The following PPFIBP1 variants were observed in gnomAD, a reference collection of about 807,000 sequenced individuals.
PPFIBP1 encodes the protein PPFIB scaffold protein 1.
PPFIBP1 carries 112 observed loss-of-function variants against 137.8 expected under a neutral mutation model. The observed-to-expected ratio is 0.81, with a 90% confidence interval of 0.70 to 0.95. The LOEUF (loss-of-function observed/expected upper bound fraction) is 0.95, where lower values mean the gene tolerates loss of function less well. Among genes scored for constraint, PPFIBP1 ranks in the 40% least tolerant of loss-of-function variants. The pLI is 0.00. For missense variants in PPFIBP1, 1,083 were observed against 1,196.6 expected (o/e 0.91, Z 1.40); for synonymous variants, 378 against 417.3 (o/e 0.91, Z 1.15).
rs182924954 is a variant in PPFIBP1 at position 27,534,572 on chromosome 12, A to G, written c.-124+10207A>G. On this transcript the variant is annotated intron_variant, in intron 1 of 29. Transcript: ENST00000228425. ...GAAAGTAGTGGTTATAAAAAAAAAA[A>G]AGAGAATGAAATTAGACAAAGGGAA... Among the ~76,000 whole-genome samples, 388 of 152,298 alleles carry G rather than the reference A, an allele frequency of 2.5e-3. 4 individuals are homozygous for G. In the South Asian group the frequency reaches 0.033, roughly 13 times the overall value.
intron 2 of PPFIBP1, among the ~76,000 whole-genome samples, chr12:27,632,412 G>A (rs2057328462): frequency 6.6e-6 from 1 of 152,116 alleles, no homozygotes; most frequent in Admixed American, 6.5e-5. Context: ...AGAATCTACT[G>A]GGTGCTTAGT....
At chr12:27,624,790 C>G (rs2056669458) in intron 2 of PPFIBP1, among the ~76,000 whole-genome samples, 1 of 152,034 alleles carries the variant, frequency 6.6e-6, no homozygotes, top group Non-Finnish European at 1.5e-5. Flanking sequence ...GTTAAAGTAA[C>G]AAGTGTTTTA....
At chr12:27,669,590 G>C (rs1189631532) in intron 13 of PPFIBP1, among the ~76,000 whole-genome samples, 1 of 152,112 alleles carries the variant, frequency 6.6e-6, no homozygotes. Flanking sequence ...CAAGAAAATT[G>C]ATCTGTTAGT....
chr12:27,592,354 A>G, intron 2 of PPFIBP1: 1 of 563,252 alleles, frequency 1.8e-6, no homozygotes, highest in Non-Finnish European at 3.1e-6. Flanking sequence ...GGGTAACAAG[A>G]ACGTTTATTT....
Position 27,692,734 on chromosome 12 carries a change from G to A in PPFIBP1, c.2932-62G>A, listed in dbSNP as rs368010910. 6.4e-4 allele frequency: 1,039 copies of A among 1,613,864 alleles called. 16 individuals are homozygous for A. The South Asian group carries it at 0.011, about 17-fold the overall frequency. Reference sequence around the variant, plus strand: ...AACCCCAAAGGACCACATGTCTCTTGGAGAATGTGTAGCTCTGAGCTCTTG... The same window carrying A: ...AACCCCAAAGGACCACATGTCTCTTAGAGAATGTGTAGCTCTGAGCTCTTG... On this transcript the variant is annotated intron_variant, in intron 29 of 29. Coordinates refer to ENST00000228425, the MANE Select transcript of PPFIBP1 (RefSeq NM_003622.4).
At chr12:27,603,752 A>T (rs559266002) in intron 2 of PPFIBP1, among the ~76,000 whole-genome samples, 2 of 152,196 alleles carry the variant, frequency 1.3e-5, no homozygotes, top group Admixed American at 6.5e-5. Context: ...TTGGGGTGGA[A>T]ATGCCCAGAA....
At chr12:27,548,748 C>T (rs1042183969) in intron 1 of PPFIBP1, 2 of 152,216 alleles carry the variant, frequency 1.3e-5, no homozygotes, top group African/African-American at 4.8e-5. Context: ...AGCCTGATGA[C>T]TTCGTCGTGG....
rs750157114 is a variant in PPFIBP1, at chr12:27,679,596, G to A, written c.1723G>A (p.Asp575Asn). 2 of 1,613,918 alleles carry A rather than the reference G, an allele frequency of 1.2e-6. No homozygotes were observed. The highest frequency in any genetic ancestry group is 8.5e-7 in the Non-Finnish European group (1 of 1,179,868). ...CTTCCAGATACCGCCTCCATCTCCA[G>A]ATTCCAAAAAGAAATCCAGAGGTAT... ...SPFQIPPPSP[D>N]SKKKSRGIMK... is the part of the protein sequence containing the mutation. The change falls in exon 20 of 30, where the codon GAT becomes AAT. Residue 575 changes from aspartate (D) to asparagine (N), a missense_variant. Coordinates refer to ENST00000228425, the MANE Select transcript of PPFIBP1 (RefSeq NM_003622.4).
intron 4 of PPFIBP1, among the ~76,000 whole-genome samples, chr12:27,644,086 TG>T (rs199845393): frequency 6.6e-6 from 1 of 151,882 alleles, no homozygotes; most frequent in African/African-American, 2.4e-5. Context: ...TTTGTTTGTT[TG>T]TTTTCTTAAG....
At chr12:27,546,464 G>A (rs1946251443) in intron 1 of PPFIBP1, among the ~76,000 whole-genome samples, 1 of 152,166 alleles carries the variant, frequency 6.6e-6, no homozygotes, top group African/African-American at 2.4e-5. Flanking sequence ...AAAAGCACCT[G>A]CTTTTCCACT....
intron 8 of PPFIBP1, among the ~76,000 whole-genome samples, chr12:27,656,153 T>A (rs138446463): frequency 1.3e-3 from 202 of 150,016 alleles, no homozygotes; most frequent in African/African-American, 4.9e-3. Flanking sequence ...ACCTTACCCA[T>A]GAATGAAACT....
chr12:27,624,308 C>G (rs113812278), intron 2 of PPFIBP1, among the ~76,000 whole-genome samples: 11,908 of 152,256 alleles, frequency 0.078, 642 homozygotes, highest in East Asian at 0.12. Context: ...ATTCCTAACT[C>G]CTCCGTGTAG....
At chr12:27,626,952 G>A (rs2056870761) in intron 2 of PPFIBP1, among the ~76,000 whole-genome samples, 1 of 152,120 alleles carries the variant, frequency 6.6e-6, no homozygotes, top group East Asian at 1.9e-4. Flanking sequence ...GATCTGGTTT[G>A]GGTTTTGTTT....
In PPFIBP1 at chr12:27,541,426, G is replaced by A. The variant is rs1037621711; in HGVS notation, c.-124+17061G>A. On this transcript the variant is annotated intron_variant, in intron 1 of 29. Coordinates refer to ENST00000228425, the MANE Select transcript of PPFIBP1 (RefSeq NM_003622.4). ...AAACATCTGAGTGACTGAAACCAGC[G>A]GCTTGCTGAGCGAGCTGTGACTACA... Among the ~76,000 whole-genome samples the A allele has an allele frequency of 4.6e-5, 7 of 152,242 alleles. No homozygotes were observed. The East Asian group carries it at 7.7e-4, about 17-fold the overall frequency.
chr12:27,575,152 A>G (rs1334979311), intron 1 of PPFIBP1, among the ~76,000 whole-genome samples: 3 of 152,202 alleles, frequency 2.0e-5, no homozygotes, highest in Non-Finnish European at 2.9e-5. Context: ...TGTGGATCTT[A>G]TGGTCTCTGT....
At chr12:27,634,557 G>T (rs1194575517) in intron 3 of PPFIBP1, among the ~76,000 whole-genome samples, 1 of 152,024 alleles carries the variant, frequency 6.6e-6, no homozygotes, top group Non-Finnish European at 1.5e-5. Flanking sequence ...TCCAATATTG[G>T]TCCGGAATGG....
chr12:27,552,373 C>T (rs887772216), intron 1 of PPFIBP1, among the ~76,000 whole-genome samples: 1 of 152,236 alleles, frequency 6.6e-6, no homozygotes, highest in Non-Finnish European at 1.5e-5. Flanking sequence ...CCCAGACAGT[C>T]GACTCCAGAG....
chr12:27,654,945 C>G (rs1203771007), intron 8 of PPFIBP1, 131 bp downstream of exon 8: 51 of 1,395,458 alleles, frequency 3.7e-5, no homozygotes, highest in Non-Finnish European at 4.5e-5. Flanking sequence ...ATGAAGATTT[C>G]CCCCCAAGCT....
chr12:27,655,518 C>T (rs2059143840), intron 8 of PPFIBP1, among the ~76,000 whole-genome samples: 1 of 152,196 alleles, frequency 6.6e-6, no homozygotes, highest in Non-Finnish European at 1.5e-5. Context: ...TAATTGTAAA[C>T]ATTCGCTTGT....
Sources: allele counts gnomAD v4.1 joint callset (sites outside exome capture counted in the v4.1 genomes callset), GRCh38; gene constraint gnomAD v4.1.1; transcripts MANE v1.5; gene names NCBI Gene and HGNC (gene_info 2026-07-23, HGNC 2026-07-21).